SHISA6: variants seen among roughly 807,000 people sequenced by gnomAD.
The protein encoded by SHISA6 is shisa family member 6.
A neutral mutation model predicts 47.9 loss-of-function variants in SHISA6; 22 were observed. The ratio of observed to expected loss-of-function variants is 0.46; its 90% CI spans 0.33 to 0.66. The LOEUF is 0.66. Among genes scored for constraint, SHISA6 ranks in the 30% least tolerant of loss-of-function variants. The pLI, the probability that SHISA6 is intolerant of heterozygous loss-of-function variation, is 0.02. For missense variants in SHISA6, 680 were observed against 764.6 expected (o/e 0.89, Z 1.30); for synonymous variants, 388 against 337.8 (o/e 1.15, Z -1.63).
chr17:11,242,190 C>T, intron 1 of SHISA6, 130 bp downstream of exon 1: 5 of 1,249,380 alleles, frequency 4.0e-6, no homozygotes, highest in Non-Finnish European at 5.5e-6. Flanking sequence ...ACCATCGCTC[C>T]TTTTGCATGC....
intron 2 of SHISA6, among the ~76,000 whole-genome samples, chr17:11,308,577 C>T (rs952681720): frequency 2.6e-5 from 4 of 152,136 alleles, no homozygotes; most frequent in African/African-American, 9.7e-5. Context: ...ATACTGTGAT[C>T]GGCTACGTTC....
intron 3 of SHISA6, among the ~76,000 whole-genome samples, chr17:11,442,353 C>A (rs2142298414): frequency 6.6e-6 from 1 of 152,258 alleles, no homozygotes; most frequent in East Asian, 1.9e-4. Context: ...GCCTTTCCCT[C>A]TCCCTCACAT....
chr17:11,272,791 T>A (rs1908730199), intron 2 of SHISA6, among the ~76,000 whole-genome samples: 1 of 152,118 alleles, frequency 6.6e-6, no homozygotes, highest in Non-Finnish European at 1.5e-5. Flanking sequence ...GAACAGTAGG[T>A]CATATGGCAG....
intron 3 of SHISA6, among the ~76,000 whole-genome samples, chr17:11,389,383 C>A (rs1232351673): frequency 6.6e-6 from 1 of 152,162 alleles, no homozygotes; most frequent in African/African-American, 2.4e-5. Context: ...TACATGTATG[C>A]TTTCTTCAAA....
At chr17:11,307,570 A>C (rs1910168672) in intron 2 of SHISA6, among the ~76,000 whole-genome samples, 1 of 152,168 alleles carries the variant, frequency 6.6e-6, no homozygotes, top group Admixed American at 6.5e-5. Context: ...CACACCTAAC[A>C]GCAAGGGAGG....
At chr17:11,518,554 T>C (rs2071604045) in intron 3 of SHISA6, among the ~76,000 whole-genome samples, 1 of 152,198 alleles carries the variant, frequency 6.6e-6, no homozygotes, top group South Asian at 2.1e-4. Flanking sequence ...ATTCCAAATC[T>C]CAGATTGGGG....
At chr17:11,311,106 C>CAA (rs71139101) in intron 2 of SHISA6, among the ~76,000 whole-genome samples, 8 of 48,552 alleles carry the variant, frequency 1.6e-4, no homozygotes, top group African/African-American at 3.2e-4. Flanking sequence ...GACTCCATCT[C>CAA]AAAAAAAAAA....
chr17:11,461,292 G>A (rs949635049), intron 3 of SHISA6, among the ~76,000 whole-genome samples: 1 of 151,546 alleles, frequency 6.6e-6, no homozygotes, highest in Non-Finnish European at 1.5e-5. Context: ...AGCTACTCAG[G>A]AGGCTGAGGC....
At chr17:11,253,781 C>G (rs575012250) in intron 1 of SHISA6, among the ~76,000 whole-genome samples, 2 of 152,140 alleles carry the variant, frequency 1.3e-5, no homozygotes, top group Non-Finnish European at 2.9e-5. Context: ...CTCTCTCTTT[C>G]GGCTTTGAGA....
chr17:11,356,641 C>G (rs1404253565), intron 2 of SHISA6, among the ~76,000 whole-genome samples: 1 of 152,102 alleles, frequency 6.6e-6, no homozygotes, highest in Non-Finnish European at 1.5e-5. Context: ...TGGAGGACCA[C>G]TGTGGGTGAG....
chr17:11,463,042 G>GA (rs533944773), intron 3 of SHISA6, among the ~76,000 whole-genome samples: 73 of 152,316 alleles, frequency 4.8e-4, no homozygotes, highest in African/African-American at 1.7e-3. Context: ...TCTACTTTAT[G>GA]AAAAACCTAG....
At chr17:11,367,285 C>T (rs1237186225) in intron 2 of SHISA6, among the ~76,000 whole-genome samples, 1 of 152,004 alleles carries the variant, frequency 6.6e-6, no homozygotes, top group African/African-American at 2.4e-5. Context: ...GAGCTAAGTC[C>T]TTGAGATGAT....
chr17:11,444,737 A>C (rs1915186196), intron 3 of SHISA6, among the ~76,000 whole-genome samples: 1 of 152,222 alleles, frequency 6.6e-6, no homozygotes, highest in African/African-American at 2.4e-5. Context: ...TATTTACTTA[A>C]CAATGGTTTA....
chr17:11,321,948 T>C (rs1281862789), intron 2 of SHISA6, among the ~76,000 whole-genome samples: 1 of 152,188 alleles, frequency 6.6e-6, no homozygotes, highest in African/African-American at 2.4e-5. Context: ...TCTTCTTCCA[T>C]TGTGGCCCAG....
At position 11,557,773 on chromosome 17, in the gene SHISA6, G is replaced by C. The variant is rs932227388; in HGVS notation, c.1125G>C (p.Glu375Asp). The change falls in exon 6 of 6, where the codon GAG (glutamate) becomes GAC (aspartate). Residue 375 changes from glutamate to aspartate, a missense_variant. Coordinates refer to ENST00000441885, the MANE Select transcript of SHISA6 (RefSeq NM_207386.4). ...LKRLTDKEADEYYMRRRHLPD... is the reference protein window; with the variant it reads ...LKRLTDKEADDYYMRRRHLPD... Reference sequence around the variant, plus strand: ...CTGCAGCCGACAAGGAGGCTGACGAGTATTACATGAGACGGCGGCACCTGC... The same window carrying C: ...CTGCAGCCGACAAGGAGGCTGACGACTATTACATGAGACGGCGGCACCTGC... The C allele has an allele frequency of 1.3e-6, 2 of 1,549,048 alleles. No individual in the cohort carries two copies.
intron 2 of SHISA6, among the ~76,000 whole-genome samples, chr17:11,293,333 G>C (rs116266786): frequency 2.7e-4 from 41 of 152,274 alleles, no homozygotes; most frequent in African/African-American, 9.6e-4. Context: ...TATAGGACCT[G>C]TTGATTTGTC....
At chr17:11,291,760 T>C (rs1366700963) in intron 2 of SHISA6, among the ~76,000 whole-genome samples, 1 of 152,094 alleles carries the variant, frequency 6.6e-6, no homozygotes, top group African/African-American at 2.4e-5. Context: ...CCCGGACTTG[T>C]AGGTGGCCGC....
intron 3 of SHISA6, among the ~76,000 whole-genome samples, chr17:11,432,979 G>GT (rs993592691): frequency 2.0e-5 from 3 of 152,128 alleles, no homozygotes; most frequent in African/African-American, 7.2e-5. Flanking sequence ...TTTGATTGTG[G>GT]TAACAGTTGC....
At chr17:11,272,913 C>A (rs1908734222) in intron 2 of SHISA6, among the ~76,000 whole-genome samples, 1 of 152,206 alleles carries the variant, frequency 6.6e-6, no homozygotes, top group African/African-American at 2.4e-5. Context: ...TGGTGGCATG[C>A]CAGCTGTTTT....
Sources: gnomAD v4.1 joint callset for allele counts (sites outside exome capture counted in the v4.1 genomes callset) on GRCh38, gnomAD v4.1.1 for gene constraint, MANE v1.5 for transcripts, NCBI Gene and HGNC (gene_info 2026-07-23, HGNC 2026-07-21) for gene names.